The following MCTP2 variants were observed in gnomAD, a reference collection of about 807,000 sequenced individuals.
The protein encoded by MCTP2 is multiple C2 and transmembrane domain-containing protein 2.
A neutral mutation model predicts 111.6 loss-of-function variants in MCTP2; 132 were observed. The observed-to-expected ratio is 1.18, with a 90% CI of 1.03 to 1.37. The LOEUF is 1.37. Ranked by LOEUF, MCTP2 falls within the 40% of genes most tolerant of loss-of-function variation. The pLI is 0.00. For synonymous variants in MCTP2, 395 were observed against 387.7 expected, an observed-to-expected ratio of 1.02 and a Z score of -0.22; for missense variants, 1,183 against 1,067.9, an observed-to-expected ratio of 1.11 and a Z score of -1.50.
intron 1 of MCTP2, among the ~76,000 whole-genome samples, chr15:94,265,326 A>G (rs2073454371): frequency 6.7e-6 from 1 of 149,840 alleles, no homozygotes. Context: ...GTAATGGCAG[A>G]CAGAGGCAGA....
rs140379246 is a variant in MCTP2 at position 94,307,965 on chromosome 15, CATA to C, written c.466-6303_466-6301del. On this transcript the variant is annotated intron_variant, in intron 2 of 22. Coordinates refer to ENST00000357742, the MANE Select transcript of MCTP2 (RefSeq NM_001385001.1). ...TTTTATGACTATTACTAATATAATTCATAATAATAATAATAAATAGAATAGCAA... is the reference window on the plus strand; with the variant it reads ...TTTTATGACTATTACTAATATAATTCATAATAATAATAAATAGAATAGCAA... 5.9e-5 allele frequency among the ~76,000 whole-genome samples: 9 copies of C among 151,586 alleles called. No individual in the cohort carries two copies. The Middle Eastern group carries it at 0.01, about 175-fold the overall frequency.
At position 94,476,657 on chromosome 15, in the gene MCTP2, C is replaced by A. The variant is rs576905845; in HGVS notation, c.2471-39C>A. ...ATAGATAGATAGATAGATAGACAGA[C>A]AGACAGATAAAGAGATCTCCTGTGT... On this transcript the variant is annotated intron_variant, in intron 21 of 22. Coordinates refer to ENST00000357742, the MANE Select transcript of MCTP2 (RefSeq NM_001385001.1). 5.9e-6 allele frequency: 6 copies of A among 1,010,080 alleles called. No homozygotes were observed. The African/African-American group carries it at 9.6e-5, about 16-fold the overall frequency. The allele number at this position is 1,010,080 out of a possible 1,614,324, so 62.6% of individuals were successfully genotyped here.
At chr15:94,361,719 T>C (rs1411611800) in intron 10 of MCTP2, among the ~76,000 whole-genome samples, 1 of 152,206 alleles carries the variant, frequency 6.6e-6, no homozygotes, top group Non-Finnish European at 1.5e-5. Flanking sequence ...CAGCATAGAA[T>C]TTTTTGATAT....
chr15:94,259,467 T>A (rs1307736910), intron 1 of MCTP2, among the ~76,000 whole-genome samples: 1 of 152,226 alleles, frequency 6.6e-6, no homozygotes. Flanking sequence ...GAAAGGATTT[T>A]GTTTGTAAGA....
chr15:94,400,021 T>C (rs1294783153), intron 16 of MCTP2, 26 bp downstream of exon 16: 1 of 1,601,988 alleles, frequency 6.2e-7, no homozygotes, highest in Non-Finnish European at 8.6e-7. Flanking sequence ...AGGTGGCTTG[T>C]TGATTGGTAC....
intron 12 of MCTP2, among the ~76,000 whole-genome samples, chr15:94,379,135 C>T (rs1460152770): frequency 6.6e-6 from 1 of 151,554 alleles, no homozygotes; most frequent in Non-Finnish European, 1.5e-5. Context: ...GAGGGACAAC[C>T]TATTCCCCGT....
chr15:94,244,459 CACAT>C lies in MCTP2; in HGVS notation c.-66+12801_-66+12804del, dbSNP rs748405737. On this transcript the variant is annotated intron_variant, in intron 1 of 22. Transcript: ENST00000357742. ...CTATGTTTATATACGTATATGTATA[CACAT>C]ACATATGCACCTATGTTTATATACG... 1.7e-3 allele frequency among the ~76,000 whole-genome samples: 250 copies of C among 148,114 alleles called. 2 individuals carry two copies. The highest frequency in any genetic ancestry group is 2.1e-3 in the Non-Finnish European group (137 of 66,608).
At chr15:94,467,885 TTCAAAATGTAGA>T (rs1301091426) in intron 20 of MCTP2, among the ~76,000 whole-genome samples, 1 of 110,844 alleles carries the variant, frequency 9.0e-6, no homozygotes. Context: ...AATGTAGAAA[TTCAAAATGTAGA>T]AATTCAGAAT....
chr15:94,453,283 A>G (rs1310343381), intron 19 of MCTP2, among the ~76,000 whole-genome samples: 2 of 152,234 alleles, frequency 1.3e-5, no homozygotes, highest in Admixed American at 6.5e-5. Context: ...GGAATGACCC[A>G]TCTCTATTTT....
intron 16 of MCTP2, among the ~76,000 whole-genome samples, chr15:94,400,654 C>T (rs989371357): frequency 2.0e-5 from 3 of 150,756 alleles, no homozygotes; most frequent in Non-Finnish European, 2.9e-5. Flanking sequence ...AGAGTCCCTC[C>T]CTGTTGTACT....
At chr15:94,387,435 A>G (rs904866075) in intron 14 of MCTP2, among the ~76,000 whole-genome samples, 2 of 152,240 alleles carry the variant, frequency 1.3e-5, no homozygotes, top group African/African-American at 4.8e-5. Context: ...AGAACCGCTG[A>G]CCTAAACTAA....
At chr15:94,371,006 T>A (rs2079454170) in intron 12 of MCTP2, among the ~76,000 whole-genome samples, 1 of 152,160 alleles carries the variant, frequency 6.6e-6, no homozygotes, top group South Asian at 2.1e-4. Context: ...ACAATTTCAC[T>A]ATATTCGTAC....
chr15:94,446,194 C>G (rs961600879), intron 19 of MCTP2, among the ~76,000 whole-genome samples: 6 of 152,296 alleles, frequency 3.9e-5, no homozygotes, highest in Admixed American at 1.3e-4. Context: ...TAACATAGAA[C>G]TTTCAGGTAA....
chr15:94,235,315 C>T (rs1022521915), intron 1 of MCTP2, among the ~76,000 whole-genome samples: 1 of 151,856 alleles, frequency 6.6e-6, no homozygotes, highest in African/African-American at 2.4e-5. Flanking sequence ...TGATGTTCTT[C>T]GAGTCCGGCA....
chr15:94,394,416 G>T (rs1005626568), intron 14 of MCTP2, among the ~76,000 whole-genome samples: 1 of 152,246 alleles, frequency 6.6e-6, no homozygotes, highest in Non-Finnish European at 1.5e-5. Flanking sequence ...CAATTGAAAT[G>T]ATCAAATACG....
chr15:94,370,032 A>T (rs1567549251), intron 11 of MCTP2, 55 bp from the exon 12 acceptor site: 1 of 1,216,044 alleles, frequency 8.2e-7, no homozygotes, highest in East Asian at 2.4e-5. Context: ...ACTTTATGAC[A>T]TTAAGTAGTA....
intron 17 of MCTP2, among the ~76,000 whole-genome samples, chr15:94,426,961 T>A (rs2082923826): frequency 6.6e-6 from 1 of 152,100 alleles, no homozygotes; most frequent in African/African-American, 2.4e-5. Context: ...CTTTTTAAAT[T>A]GTCCCTCATC....
In MCTP2 at chr15:94,384,129, G is replaced by C. The variant is rs1193204974; in HGVS notation, c.1685+5G>C. On this transcript the variant is annotated splice_donor_5th_base_variant and intron_variant, in intron 13 of 22. Transcript: ENST00000357742. ...ATGGAACAAAGTTTTTACATTGTAA[G>C]TGCTTTAGCCTCTGGAATTATTTCT... 6.3e-7 allele frequency: 1 copy of C among 1,599,100 alleles called. No individual in the cohort carries two copies.
At chr15:94,427,577 G>A (rs1428006944) in intron 17 of MCTP2, among the ~76,000 whole-genome samples, 1 of 152,130 alleles carries the variant, frequency 6.6e-6, no homozygotes, top group Non-Finnish European at 1.5e-5. Context: ...GCAAGGGAGA[G>A]GTTCACCCGC....
Sources: allele counts gnomAD v4.1 joint callset (sites outside exome capture counted in the v4.1 genomes callset), GRCh38; gene constraint gnomAD v4.1.1; transcripts MANE v1.5; gene names NCBI Gene and HGNC (gene_info 2026-07-23, HGNC 2026-07-21).